Variants in RIC1 observed in about 807,000 individuals in gnomAD.
The protein encoded by RIC1 is guanine nucleotide exchange factor subunit RIC1.
A neutral mutation model predicts 169.0 loss-of-function variants in RIC1; 88 were observed. The observed-to-expected ratio is 0.52, with a 90% CI of 0.44 to 0.62. The LOEUF is 0.62. Ranked by LOEUF, RIC1 falls within the 20% of genes least tolerant of loss-of-function variation. RIC1 has a pLI of 0.00. For synonymous variants in RIC1, 790 were observed against 601.5 expected, an observed-to-expected ratio of 1.31 and a Z score of -4.59; for missense variants, 1,877 against 1,725.5, an observed-to-expected ratio of 1.09 and a Z score of -1.56.
chr9:5,639,596 G>T (rs1391349395), intron 1 of RIC1, among the ~76,000 whole-genome samples: 2 of 152,164 alleles, frequency 1.3e-5, no homozygotes. Context: ...ATATCTGTTA[G>T]GTCCATTTGT....
chr9:5,629,508 G>A, intron 1 of RIC1, 55 bp downstream of exon 1: 5 of 1,488,022 alleles, frequency 3.4e-6, no homozygotes, highest in Non-Finnish European at 4.5e-6. Flanking sequence ...TCCCGGCGCC[G>A]TCCCACCCCC....
chr9:5,697,270 C>T (rs1297286544), intron 3 of RIC1, among the ~76,000 whole-genome samples: 1 of 152,196 alleles, frequency 6.6e-6, no homozygotes. Context: ...GTTTCTCTCA[C>T]TCTACATGAT....
intron 6 of RIC1, among the ~76,000 whole-genome samples, chr9:5,722,820 T>A (rs1056796655): frequency 3.3e-5 from 5 of 152,198 alleles, no homozygotes; most frequent in African/African-American, 1.2e-4. Flanking sequence ...TGGTTTTTTG[T>A]CCTTGCAATA....
chr9:5,757,273 C>A, intron 16 of RIC1, 40 bp from the exon 17 acceptor site: 1 of 1,607,760 alleles, frequency 6.2e-7, no homozygotes, highest in Non-Finnish European at 8.5e-7. Flanking sequence ...ATCTTATTAG[C>A]ATTGTTGTTG....
chr9:5,662,694 C>T (rs1055107934), intron 2 of RIC1, among the ~76,000 whole-genome samples: 3 of 152,116 alleles, frequency 2.0e-5, no homozygotes, highest in African/African-American at 4.8e-5. Context: ...TCCCCTTTAT[C>T]ATTTCTGATT....
At chr9:5,722,348 A>AGAGAGAGAGGGT (rs374028302) in intron 6 of RIC1, among the ~76,000 whole-genome samples, 2 of 131,298 alleles carry the variant, frequency 1.5e-5, no homozygotes, top group Non-Finnish European at 3.2e-5. Context: ...AGAGAGAGAG[A>AGAGAGAGAGGGT]GTGTGTGTGT....
intron 16 of RIC1, 46 bp from the exon 17 acceptor site, chr9:5,757,267 T>A (rs760189321): frequency 6.2e-7 from 1 of 1,605,096 alleles, no homozygotes; most frequent in Admixed American, 1.7e-5. Context: ...AAGAAAATCT[T>A]ATTAGCATTG....
chr9:5,732,039 T>G (rs1824399138), intron 6 of RIC1, among the ~76,000 whole-genome samples: 1 of 152,236 alleles, frequency 6.6e-6, no homozygotes, highest in Non-Finnish European at 1.5e-5. Flanking sequence ...AGTGAGCAAG[T>G]TAGATGCTGT....
chr9:5,753,269 T>C lies in RIC1; in HGVS notation c.1491+31T>C, dbSNP rs757666850. On this transcript the variant is annotated intron_variant, in intron 13 of 25. Coordinates refer to ENST00000414202, the MANE Select transcript of RIC1 (RefSeq NM_020829.4). ...TTGTTATTTTGTTGGTGTTAACTTT[T>C]GTTGACTAGCATTTGCTGCAAGAGG... The C allele has an allele frequency of 5.0e-6, 8 of 1,604,748 alleles. No homozygotes were observed. In the Admixed American group the frequency reaches 6.7e-5, roughly 13 times the overall value.
At chr9:5,748,097 A>G (rs1825497669) in intron 12 of RIC1, among the ~76,000 whole-genome samples, 1 of 152,250 alleles carries the variant, frequency 6.6e-6, no homozygotes, top group African/African-American at 2.4e-5. Flanking sequence ...ATGGAAATTA[A>G]TTCTCAATTT....
intron 7 of RIC1, among the ~76,000 whole-genome samples, chr9:5,734,603 A>G (rs927169951): frequency 5.4e-5 from 6 of 111,592 alleles, no homozygotes; most frequent in African/African-American, 1.9e-4. Flanking sequence ...AGATATTCAT[A>G]GTTTTAACGT....
At chr9:5,762,374 C>T (rs940539141) in intron 17 of RIC1, among the ~76,000 whole-genome samples, 167 bp from the exon 18 acceptor site, 20 of 152,168 alleles carry the variant, frequency 1.3e-4, no homozygotes, top group Admixed American at 1.3e-3. Context: ...CCATCCTAGC[C>T]AGAAAGCTCC....
intron 3 of RIC1, among the ~76,000 whole-genome samples, chr9:5,706,798 C>T (rs967381226): frequency 1.3e-5 from 2 of 151,912 alleles, no homozygotes; most frequent in Non-Finnish European, 2.9e-5. Flanking sequence ...AATAATATTC[C>T]CACTTTCATT....
chr9:5,673,174 A>G (rs1263685238), intron 2 of RIC1, among the ~76,000 whole-genome samples: 2 of 152,070 alleles, frequency 1.3e-5, no homozygotes, highest in Admixed American at 6.5e-5. Flanking sequence ...GCTTAGGGAC[A>G]ATTATTATCT....
At position 5,770,196 on chromosome 9, in the gene RIC1, C is replaced by T. The variant is rs780875706; in HGVS notation, c.3534C>T (p.Gly1178=). 6.2e-7 allele frequency: 1 copy of T among 1,613,956 alleles called. No homozygotes were observed. Among genetic ancestry groups the T allele is most frequent in the Middle Eastern group, 1.7e-4 (1 of 6,060 alleles). Residue 1178 remains glycine, a synonymous_variant, in exon 23 of 26, where the codon GGC becomes GGT. Transcript: ENST00000414202. ...GTCAGAGCTGGCTCAGCAACATTGGCCCCACCCATCATGAGATAGACACAG... is the reference window on the plus strand; with the variant it reads ...GTCAGAGCTGGCTCAGCAACATTGGTCCCACCCATCATGAGATAGACACAG... The part of the protein sequence containing the change: ...QRSQSWLSNI[G]PTHHEIDTAS...
chr9:5,698,795 C>G (rs1272060861), intron 3 of RIC1, among the ~76,000 whole-genome samples: 1 of 152,142 alleles, frequency 6.6e-6, no homozygotes, highest in African/African-American at 2.4e-5. Flanking sequence ...GTATTGTTGT[C>G]TAGGTTGCCT....
intron 1 of RIC1, among the ~76,000 whole-genome samples, chr9:5,649,666 T>C (rs2130388762): frequency 6.6e-6 from 1 of 152,250 alleles, no homozygotes; most frequent in Non-Finnish European, 1.5e-5. Flanking sequence ...TGCTGGCATT[T>C]CATAAATTTC....
chr9:5,705,220 C>T (rs1586983336), intron 3 of RIC1, among the ~76,000 whole-genome samples: 1 of 110,230 alleles, frequency 9.1e-6, no homozygotes, highest in African/African-American at 3.4e-5. Context: ...TTTAAAAGAA[C>T]ATTGGGATTT....
intron 6 of RIC1, among the ~76,000 whole-genome samples, chr9:5,728,444 G>A (rs1824141171): frequency 6.6e-6 from 1 of 152,190 alleles, no homozygotes; most frequent in Non-Finnish European, 1.5e-5. Flanking sequence ...CATCTGTCAT[G>A]GCTTCCTTTG....
Sources: allele counts gnomAD v4.1 joint callset (sites outside exome capture counted in the v4.1 genomes callset), GRCh38; gene constraint gnomAD v4.1.1; transcripts MANE v1.5; gene names NCBI Gene and HGNC (gene_info 2026-07-23, HGNC 2026-07-21).